The following MAPKAP1 variants were observed in gnomAD, a reference collection of about 807,000 sequenced individuals.
MAPKAP1 encodes MAPK associated protein 1.
In MAPKAP1, 20 loss-of-function variants were observed where a neutral mutation model predicts 65.7. The ratio of observed to expected loss-of-function variants is 0.30; its 90% CI spans 0.21 to 0.44. MAPKAP1 has a LOEUF of 0.44. Among genes scored for constraint, MAPKAP1 ranks in the 20% least tolerant of loss-of-function variants. MAPKAP1 has a pLI of 1.00. For missense variants in MAPKAP1, 423 were observed against 648.0 expected (o/e 0.65, Z 3.77); for synonymous variants, 222 against 244.3 (o/e 0.91, Z 0.85).
chr9:125,468,080 G>C lies in MAPKAP1; in HGVS notation c.1237C>G (p.Pro413Ala), dbSNP rs755839449. Residue 413 changes from proline to alanine, a missense_variant, in exon 10 of 12, where the codon CCT (proline) becomes GCT (alanine). Around this residue, in one of 6 missense-constraint regions of MAPKAP1, gnomAD observed 185 missense variants for 268.1 expected, o/e 0.69. Transcript: ENST00000265960. ...GISGDKVEID[P>A]VTNQKASTKF... Reference sequence around the variant, plus strand: ...GTGCTGGCTTTCTGATTCGTAACAGGGTCTATCTCTACTTTGTCTCCAGAG... The same window carrying C: ...GTGCTGGCTTTCTGATTCGTAACAGCGTCTATCTCTACTTTGTCTCCAGAG... 1 of 1,614,134 alleles carries C rather than the reference G, an allele frequency of 6.2e-7. No homozygotes were observed. The highest frequency in any genetic ancestry group is 8.5e-7 in the Non-Finnish European group (1 of 1,180,006).
chr9:125,597,107 T>C (rs1832154362), intron 4 of MAPKAP1, among the ~76,000 whole-genome samples: 1 of 150,054 alleles, frequency 6.7e-6, no homozygotes, highest in South Asian at 2.1e-4. Context: ...CTAAAACAAA[T>C]ACAAAAAATT....
At chr9:125,542,785 C>T (rs986026269) in intron 7 of MAPKAP1, among the ~76,000 whole-genome samples, 20 of 152,338 alleles carry the variant, frequency 1.3e-4, no homozygotes, top group African/African-American at 4.8e-4. Flanking sequence ...ATCATCAGCA[C>T]AAGTAGCTCT....
intron 1 of MAPKAP1, among the ~76,000 whole-genome samples, chr9:125,702,959 G>A (rs796218608): frequency 1.1e-4 from 16 of 152,268 alleles, no homozygotes; most frequent in African/African-American, 2.9e-4. Context: ...AGAATTCAAG[G>A]CTGTAGTGAG....
chr9:125,542,892 C>G lies in MAPKAP1; in HGVS notation c.958+167G>C, dbSNP rs1049234285. 2.6e-5 allele frequency: 20 copies of G among 756,378 alleles called. No homozygotes were observed. The South Asian group carries it at 2.7e-4, about 10-fold the overall frequency. 46.9% of individuals were successfully genotyped at this position (756,378 alleles called of 1,614,324 possible). A position where few individuals can be genotyped will look rare whatever the true frequency, so the allele number is the denominator to read the frequency against. On this transcript the variant is annotated intron_variant, in intron 7 of 11. Transcript: ENST00000265960. Reference sequence around the variant, plus strand: ...CCGCTGACCCAGTCCCTTTCTGAGGCCGAGGGGCAGTGTACAATCACCTTT... The same window carrying G: ...CCGCTGACCCAGTCCCTTTCTGAGGGCGAGGGGCAGTGTACAATCACCTTT...
chr9:125,501,302 C>T (rs539883378), intron 8 of MAPKAP1, among the ~76,000 whole-genome samples: 1 of 152,294 alleles, frequency 6.6e-6, no homozygotes, highest in South Asian at 2.1e-4. Context: ...ATCTATTTGT[C>T]TTGACATTTT....
chr9:125,644,856 G>A (rs1833680540), intron 4 of MAPKAP1, among the ~76,000 whole-genome samples: 2 of 152,110 alleles, frequency 1.3e-5, no homozygotes, highest in Admixed American at 1.3e-4. Flanking sequence ...CTACATAACT[G>A]CATTTAAAGA....
chr9:125,596,942 T>A (rs1351839267), intron 4 of MAPKAP1, among the ~76,000 whole-genome samples: 1 of 139,418 alleles, frequency 7.2e-6, no homozygotes. Context: ...AGTCTGATCA[T>A]GACGCTGAAT....
At chr9:125,703,794 C>T (rs1274268502) in intron 1 of MAPKAP1, among the ~76,000 whole-genome samples, 2 of 148,034 alleles carry the variant, frequency 1.4e-5, no homozygotes, top group Non-Finnish European at 3.0e-5. Context: ...AAACAAGTAA[C>T]GTGACAGAAG....
At chr9:125,480,783 T>C (rs541118657) in intron 9 of MAPKAP1, among the ~76,000 whole-genome samples, 3 of 151,470 alleles carry the variant, frequency 2.0e-5, no homozygotes, top group East Asian at 3.9e-4. Flanking sequence ...CCATCCTGGC[T>C]AACATGGTGA....
chr9:125,597,128 GGTGGT>G (rs1224698532), intron 4 of MAPKAP1, among the ~76,000 whole-genome samples: 2 of 151,852 alleles, frequency 1.3e-5, no homozygotes, highest in African/African-American at 4.8e-5. Flanking sequence ...AGCCGGGCGT[GGTGGT>G]GGGCGCCTGT....
At chr9:125,543,004 C>G (rs1179715745) in intron 7 of MAPKAP1, 55 bp downstream of exon 7, 1 of 1,214,352 alleles carries the variant, frequency 8.2e-7, no homozygotes, top group African/African-American at 1.5e-5. Flanking sequence ...CCCCTATGCC[C>G]TTTTAATAAG....
At chr9:125,622,123 G>A (rs1168971704) in intron 4 of MAPKAP1, among the ~76,000 whole-genome samples, 1 of 152,162 alleles carries the variant, frequency 6.6e-6, no homozygotes, top group Non-Finnish European at 1.5e-5. Flanking sequence ...TGTGGGTATT[G>A]GAGGCTGGGA....
At position 125,559,783 on chromosome 9, in the gene MAPKAP1, TGCAG is replaced by T; in HGVS notation, c.694_697del (p.Leu232IlefsTer41). 6.2e-7 allele frequency: 1 copy of T among 1,613,402 alleles called. No homozygotes were observed. Among genetic ancestry groups the T allele is most frequent in the Non-Finnish European group, 8.5e-7 (1 of 1,179,642 alleles). ...CACCTCCCCATCATCCTCAGCAATA[TGCAG>T]GCAGTAGGCACTGACATTGTCACTG... On this transcript the variant is annotated frameshift_variant, in exon 6 of 12. Transcript: ENST00000265960. LOFTEE classifies it high-confidence loss of function.
At chr9:125,626,954 A>T (rs1466243056) in intron 4 of MAPKAP1, among the ~76,000 whole-genome samples, 1 of 152,250 alleles carries the variant, frequency 6.6e-6, no homozygotes, top group Non-Finnish European at 1.5e-5. Flanking sequence ...TACTATCATC[A>T]TATCCTTTTC....
At chr9:125,538,756 A>G (rs1455020729) in intron 7 of MAPKAP1, among the ~76,000 whole-genome samples, 1 of 152,088 alleles carries the variant, frequency 6.6e-6, no homozygotes, top group African/African-American at 2.4e-5. Flanking sequence ...CCTGCATCCT[A>G]TTATTCTCCC....
chr9:125,651,806 C>A (rs1405293603), intron 4 of MAPKAP1, among the ~76,000 whole-genome samples: 1 of 152,130 alleles, frequency 6.6e-6, no homozygotes. Flanking sequence ...TTCATGGTTA[C>A]CCCCGCACCC....
chr9:125,578,707 A>G (rs1831526080), intron 5 of MAPKAP1, among the ~76,000 whole-genome samples: 1 of 152,220 alleles, frequency 6.6e-6, no homozygotes, highest in South Asian at 2.1e-4. Flanking sequence ...AAAACACATG[A>G]ATCTTTATGT....
chr9:125,470,378 G>A (rs951015896), intron 9 of MAPKAP1, among the ~76,000 whole-genome samples: 2 of 152,196 alleles, frequency 1.3e-5, no homozygotes, highest in African/African-American at 2.4e-5. Context: ...CCATTTAGCA[G>A]AGGGATGCTC....
intron 4 of MAPKAP1, chr9:125,596,028 C>T (rs552051788): frequency 3.9e-5 from 57 of 1,477,522 alleles, no homozygotes; most frequent in Middle Eastern, 2.4e-4. Context: ...ACATCACCTG[C>T]GAGATTATTT....
Sources: allele counts gnomAD v4.1 joint callset (sites outside exome capture counted in the v4.1 genomes callset), GRCh38; gene constraint gnomAD v4.1.1; regional missense constraint gnomAD v4.1.1; transcripts MANE v1.5; gene names NCBI Gene and HGNC (gene_info 2026-07-23, HGNC 2026-07-21).